The following SDK1 variants were observed in gnomAD, a reference collection of about 807,000 sequenced individuals.
SDK1 encodes the protein sidekick cell adhesion molecule 1.
A neutral mutation model predicts 245.5 loss-of-function variants in SDK1; 157 were observed. The ratio of observed to expected loss-of-function variants is 0.64; its 90% CI spans 0.56 to 0.73. The LOEUF (loss-of-function observed/expected upper bound fraction) is 0.73, where lower values mean the gene tolerates loss of function less well. Ranked by LOEUF, SDK1 falls within the 30% of genes least tolerant of loss-of-function variation. The probability of loss-of-function intolerance (pLI) is 0.00; values close to 1 mark genes in which losing one functional copy is unlikely to be tolerated. For synonymous variants in SDK1, 1,647 were observed against 1,278.5 expected, an observed-to-expected ratio of 1.29 and a Z score of -6.15; for missense variants, 3,583 against 3,002.3, an observed-to-expected ratio of 1.19 and a Z score of -4.52.
At chr7:3,548,819 G>T (rs1426626170) in intron 1 of SDK1, among the ~76,000 whole-genome samples, 2 of 152,124 alleles carry the variant, frequency 1.3e-5, no homozygotes, top group African/African-American at 4.8e-5. Context: ...TGTGAAATAG[G>T]GAGAAGCTGA....
At chr7:3,318,388 G>A (rs1008340204) in intron 1 of SDK1, among the ~76,000 whole-genome samples, 1 of 152,206 alleles carries the variant, frequency 6.6e-6, no homozygotes, top group East Asian at 1.9e-4. Context: ...CATTTGTAAA[G>A]CAGAGTTAAT....
chr7:3,933,953 G>T (rs1346838724), intron 5 of SDK1, among the ~76,000 whole-genome samples: 1 of 152,224 alleles, frequency 6.6e-6, no homozygotes, highest in Admixed American at 6.5e-5. Flanking sequence ...AGGGGAAGGT[G>T]TGGAAGAGAA....
chr7:3,404,427 A>G (rs1175560805), intron 1 of SDK1, among the ~76,000 whole-genome samples: 4 of 152,196 alleles, frequency 2.6e-5, no homozygotes, highest in Non-Finnish European at 5.9e-5. Flanking sequence ...GCCATGGTTG[A>G]TAAACAAGTT....
Position 3,980,371 on chromosome 7 carries a change from T to C in SDK1, c.1994+5826T>C, listed in dbSNP as rs544994773. ...ACGGTGGTTTTCCCCCTATTCTCTT[T>C]CAATTACAAAGTGACTCAGCACTGG... On this transcript the variant is annotated intron_variant, in intron 13 of 44. Transcript: ENST00000404826. Among the ~76,000 whole-genome samples the C allele has an allele frequency of 5.3e-5, 8 of 152,348 alleles. No homozygotes were observed. In the East Asian group the frequency reaches 1.5e-3, roughly 29 times the overall value.
At chr7:4,239,699 C>T (rs1583154441) in intron 42 of SDK1, among the ~76,000 whole-genome samples, 1 of 152,208 alleles carries the variant, frequency 6.6e-6, no homozygotes, top group East Asian at 1.9e-4. Flanking sequence ...GGAGCATCCA[C>T]CAGAGCTGTA....
intron 1 of SDK1, among the ~76,000 whole-genome samples, chr7:3,307,891 C>T (rs1243794192): frequency 1.3e-5 from 2 of 152,268 alleles, no homozygotes; most frequent in African/African-American, 4.8e-5. Context: ...TATATGTTGT[C>T]TTCCTTTCTG....
intron 1 of SDK1, among the ~76,000 whole-genome samples, chr7:3,354,679 T>C (rs1477172843): frequency 6.6e-6 from 1 of 152,258 alleles, no homozygotes; most frequent in East Asian, 1.9e-4. Flanking sequence ...GGAATTAATA[T>C]TGACTTTATA....
intron 1 of SDK1, among the ~76,000 whole-genome samples, chr7:3,540,511 C>T (rs1779024203): frequency 6.6e-6 from 1 of 151,962 alleles, no homozygotes; most frequent in Admixed American, 6.5e-5. Flanking sequence ...AGTTAAAGAA[C>T]CAGAGAGAGA....
chr7:4,237,605 G>C (rs752679018), intron 41 of SDK1, 42 bp from the exon 42 acceptor site: 1 of 1,612,214 alleles, frequency 6.2e-7, no homozygotes, highest in South Asian at 1.1e-5. Flanking sequence ...TGCAGCTGGA[G>C]CGTCTGCCCC....
At chr7:3,905,695 T>G (rs1778882862) in intron 5 of SDK1, among the ~76,000 whole-genome samples, 1 of 151,976 alleles carries the variant, frequency 6.6e-6, no homozygotes, top group Admixed American at 6.6e-5. Flanking sequence ...GCACAATCAC[T>G]CACTGTAACC....
chr7:3,582,496 C>G (rs1365028856), intron 1 of SDK1, among the ~76,000 whole-genome samples: 1 of 151,906 alleles, frequency 6.6e-6, no homozygotes, highest in Non-Finnish European at 1.5e-5. Flanking sequence ...TCAGGTAGGC[C>G]TCCACTCTCA....
chr7:4,214,939 A>T (rs1016550320), intron 38 of SDK1, among the ~76,000 whole-genome samples: 133 of 152,248 alleles, frequency 8.7e-4, no homozygotes, highest in African/African-American at 3.1e-3. Flanking sequence ...TAGGTTCCAG[A>T]TCCCTCCTGG....
intron 4 of SDK1, among the ~76,000 whole-genome samples, chr7:3,673,552 A>G (rs1237536943): frequency 1.3e-5 from 2 of 152,228 alleles, no homozygotes; most frequent in Admixed American, 1.3e-4. Context: ...CTGTTATTAC[A>G]TGAGTTTATT....
chr7:3,681,425 A>G (rs1784097428), intron 4 of SDK1, among the ~76,000 whole-genome samples: 1 of 152,184 alleles, frequency 6.6e-6, no homozygotes, highest in African/African-American at 2.4e-5. Flanking sequence ...TCCTGTACAC[A>G]TCCCTGGTGT....
rs200401147 is a variant in SDK1 at position 3,962,002 on chromosome 7, TACAC to T, written c.1235-651_1235-648del. 7.9e-3 allele frequency among the ~76,000 whole-genome samples: 1,190 copies of T among 151,392 alleles called. 12 individuals carry two copies. Among genetic ancestry groups the T allele is most frequent in the African/African-American group, 0.026 (1,082 of 41,068 alleles). On this transcript the variant is annotated intron_variant, in intron 8 of 44. Transcript: ENST00000404826. Reference sequence around the variant, plus strand: ...ACATATATGCACAAACACACACACATACACACATGTAAACACGTAGACACATGCA... The same window carrying T: ...ACATATATGCACAAACACACACACATACATGTAAACACGTAGACACATGCA...
Position 4,241,852 on chromosome 7 carries a change from C to G in SDK1, c.6190C>G (p.Leu2064Val), listed in dbSNP as rs1269162972. ...CCTGGACAACGGAGGATTTGCTGCC[C>G]TGGAGCTCAGCAGCCGCCACCTCAA... ...VTLDNGGFAALELSSRHLNVK... is the reference protein window; with the variant it reads ...VTLDNGGFAAVELSSRHLNVK... The change falls in exon 43 of 45, where the codon CTG (leucine) becomes GTG (valine). Residue 2064 changes from leucine (L) to valine (V), a missense_variant. Physicochemically the swap from Leu to Val is conservative, Grantham distance 32 (BLOSUM62 1). Coordinates refer to ENST00000404826, the MANE Select transcript of SDK1 (RefSeq NM_152744.4). 1.9e-6 allele frequency: 3 copies of G among 1,614,138 alleles called. No homozygotes were observed. The highest frequency in any genetic ancestry group is 2.5e-6 in the Non-Finnish European group (3 of 1,180,026).
chr7:4,005,898 G>A (rs62439608), intron 14 of SDK1, among the ~76,000 whole-genome samples: 2,457 of 152,168 alleles, frequency 0.016, 36 homozygotes, highest in South Asian at 0.028. Flanking sequence ...GGGCACGGTG[G>A]CACACACCTG....
intron 4 of SDK1, among the ~76,000 whole-genome samples, chr7:3,802,507 C>T (rs576720508): frequency 1.3e-5 from 2 of 151,908 alleles, no homozygotes; most frequent in African/African-American, 4.8e-5. Context: ...TGCACTCCAA[C>T]CTGGGGAGCA....
chr7:3,648,005 C>A (rs753753931), intron 4 of SDK1, among the ~76,000 whole-genome samples: 5 of 152,114 alleles, frequency 3.3e-5, no homozygotes, highest in Admixed American at 6.6e-5. Flanking sequence ...TAGGTAATTA[C>A]AGGTTTTATC....
Sources: allele counts gnomAD v4.1 joint callset (sites outside exome capture counted in the v4.1 genomes callset), GRCh38; gene constraint gnomAD v4.1.1; transcripts MANE v1.5; gene names NCBI Gene and HGNC (gene_info 2026-07-23, HGNC 2026-07-21).